The following EFCAB6 variants were observed in gnomAD, a reference collection of about 807,000 sequenced individuals.
EFCAB6 encodes the protein EF-hand calcium binding domain 6.
Under a neutral mutation model 169.8 loss-of-function variants are expected in EFCAB6, and 156 were observed. That is an observed-to-expected ratio of 0.92 (90% CI 0.81 to 1.05). EFCAB6 has a LOEUF of 1.05. Ranked by LOEUF, EFCAB6 falls within the 50% of genes least tolerant of loss-of-function variation. EFCAB6 has a pLI of 0.00. For synonymous variants in EFCAB6, 698 were observed against 676.4 expected (o/e 1.03, Z -0.50); for missense variants, 1,800 against 1,829.1 (o/e 0.98, Z 0.29).
At chr22:43,634,286 C>T (rs143168819) in intron 18 of EFCAB6, among the ~76,000 whole-genome samples, 30 of 152,228 alleles carry the variant, frequency 2.0e-4, no homozygotes, top group Middle Eastern at 6.8e-3. Context: ...AATTCTAAAA[C>T]GCTCTGGCTT....
intron 5 of EFCAB6, among the ~76,000 whole-genome samples, 165 bp from the exon 6 acceptor site, chr22:43,755,997 C>A (rs2147864049): frequency 6.6e-6 from 1 of 152,262 alleles, no homozygotes; most frequent in Admixed American, 6.5e-5. Context: ...GGGCAAATTA[C>A]TTTGTTTCCC....
chr22:43,721,341 T>G (rs61254247), intron 8 of EFCAB6, among the ~76,000 whole-genome samples: 15,929 of 152,242 alleles, frequency 0.1, 882 homozygotes, highest in East Asian at 0.2. Context: ...CCAATCTAGC[T>G]ATCAATGTCA....
chr22:43,589,892 G>A (rs1196336937), intron 24 of EFCAB6, among the ~76,000 whole-genome samples, 182 bp downstream of exon 24: 1 of 152,188 alleles, frequency 6.6e-6, no homozygotes, highest in Non-Finnish European at 1.5e-5. Context: ...TTGTCAGGGG[G>A]CTTTCTTTTA....
intron 26 of EFCAB6, among the ~76,000 whole-genome samples, chr22:43,560,137 A>G (rs2048943635): frequency 6.6e-6 from 1 of 152,206 alleles, no homozygotes; most frequent in South Asian, 2.1e-4. Context: ...GGATATAAAG[A>G]CTCACTTTCA....
chr22:43,764,653 T>C (rs1336088533), intron 5 of EFCAB6, among the ~76,000 whole-genome samples: 1 of 152,208 alleles, frequency 6.6e-6, no homozygotes, highest in African/African-American at 2.4e-5. Context: ...AATTCTTATA[T>C]ATAATTGGTT....
chr22:43,631,316 G>A (rs1409173189), intron 19 of EFCAB6, among the ~76,000 whole-genome samples: 1 of 151,886 alleles, frequency 6.6e-6, no homozygotes, highest in Non-Finnish European at 1.5e-5. Flanking sequence ...ATCACAAAAA[G>A]AGCTCAGATC....
chr22:43,581,430 G>A (rs1271534757), intron 24 of EFCAB6, among the ~76,000 whole-genome samples: 1 of 152,184 alleles, frequency 6.6e-6, no homozygotes. Context: ...GGAAGCAGAG[G>A]CTCATTCATC....
At chr22:43,759,893 A>C (rs1384730629) in intron 5 of EFCAB6, 1 of 152,148 alleles carries the variant, frequency 6.6e-6, no homozygotes, top group Non-Finnish European at 1.5e-5. Context: ...AATGGCATTA[A>C]GTTTTGGCTG....
At chr22:43,599,418 G>A (rs951512866) in intron 23 of EFCAB6, among the ~76,000 whole-genome samples, 1 of 146,162 alleles carries the variant, frequency 6.8e-6, no homozygotes, top group Non-Finnish European at 1.5e-5. Flanking sequence ...CCTGAATCAG[G>A]AGAATCGCTT....
chr22:43,578,539 C>T (rs375469727), intron 25 of EFCAB6, among the ~76,000 whole-genome samples: 1 of 152,070 alleles, frequency 6.6e-6, no homozygotes, highest in African/African-American at 2.4e-5. Context: ...AGAAGCTCAC[C>T]TGGGAGCACC....
At position 43,795,619 on chromosome 22, in the gene EFCAB6, C is replaced by T. The variant is rs1046068753; in HGVS notation, c.-7-13294G>A. Among the ~76,000 whole-genome samples the T allele has an allele frequency of 3.3e-5, 5 of 152,090 alleles. No homozygotes were observed. The highest frequency in any genetic ancestry group is 5.9e-5 in the Non-Finnish European group (4 of 68,020). On this transcript the variant is annotated intron_variant, in intron 2 of 31. Coordinates refer to ENST00000262726, the MANE Select transcript of EFCAB6 (RefSeq NM_022785.4). This position sits in a 1 kb window ranked among gnomAD's most constrained non-coding sequence, Gnocchi z 4.2. ...GTCTCTCACACAGCCTGCACTTCTC[C>T]GGCACTGTACATACCCCAACTTCGC...
chr22:43,697,210 T>C (rs1016290884), intron 10 of EFCAB6, among the ~76,000 whole-genome samples: 12 of 152,242 alleles, frequency 7.9e-5, no homozygotes, highest in Non-Finnish European at 1.8e-4. Context: ...CTGAAGTGCA[T>C]TTTAGCATTA....
intron 18 of EFCAB6, among the ~76,000 whole-genome samples, chr22:43,634,319 G>A (rs2055213242): frequency 6.6e-6 from 1 of 152,124 alleles, no homozygotes; most frequent in East Asian, 1.9e-4. Flanking sequence ...TTTTTCAGGA[G>A]TGTGGGACCT....
intron 24 of EFCAB6, among the ~76,000 whole-genome samples, chr22:43,582,884 T>G (rs2050822097): frequency 6.6e-6 from 1 of 152,166 alleles, no homozygotes; most frequent in Non-Finnish European, 1.5e-5. Flanking sequence ...TGTCCCTGGA[T>G]AAGGCTACTG....
chr22:43,806,256 GA>G (rs539993864), intron 2 of EFCAB6, among the ~76,000 whole-genome samples: 423 of 151,792 alleles, frequency 2.8e-3, no homozygotes, highest in African/African-American at 0.01. Flanking sequence ...CATAAAGACT[GA>G]AATTCAATTT....
At chr22:43,550,443 G>A (rs1194822633) in intron 27 of EFCAB6, among the ~76,000 whole-genome samples, 1 of 152,158 alleles carries the variant, frequency 6.6e-6, no homozygotes, top group African/African-American at 2.4e-5. Context: ...AGGCCGAGGC[G>A]GGTGGATCAC....
intron 15 of EFCAB6, among the ~76,000 whole-genome samples, chr22:43,670,681 T>C (rs1311045322): frequency 6.6e-6 from 1 of 152,228 alleles, no homozygotes; most frequent in African/African-American, 2.4e-5. Flanking sequence ...TGAAGCACTG[T>C]GCTAACTACT....
rs58130994 is a variant in EFCAB6 at position 43,599,509 on chromosome 22, C to CAAAAAAAAAAAAAA, written c.2876+546_2876+559dup. On this transcript the variant is annotated intron_variant, in intron 23 of 31. Coordinates refer to ENST00000262726, the MANE Select transcript of EFCAB6 (RefSeq NM_022785.4). ...TGGGAGACAGAGTGAGATTCCATCT[C>CAAAAAAAAAAAAAA]AAAAAAAAAAAAAAAAAAAAAAAAA... 1.4e-4 allele frequency among the ~76,000 whole-genome samples: 6 copies of CAAAAAAAAAAAAAA among 44,242 alleles called. 1 individual carries two copies. The highest frequency in any genetic ancestry group is 4.5e-4 in the African/African-American group (5 of 11,102). The allele number at this position is 44,242 out of a possible 152,430, so 29.0% of individuals were successfully genotyped here.
At chr22:43,688,194 G>A (rs1270742146) in intron 10 of EFCAB6, among the ~76,000 whole-genome samples, 2 of 152,154 alleles carry the variant, frequency 1.3e-5, no homozygotes, top group African/African-American at 2.4e-5. Flanking sequence ...ACAAATGCAG[G>A]TGGCCTCTAG....
Sources: allele counts gnomAD v4.1 joint callset (sites outside exome capture counted in the v4.1 genomes callset), GRCh38; gene constraint gnomAD v4.1.1; non-coding constraint Gnocchi (gnomAD v3.1); transcripts MANE v1.5; gene names NCBI Gene and HGNC (gene_info 2026-07-23, HGNC 2026-07-21).